Variants in TESMIN observed in about 807,000 individuals in gnomAD.
TESMIN encodes the protein testis expressed metallothionein like protein, also known as CXC domain containing 2.
In TESMIN, 34 loss-of-function variants were observed where a neutral mutation model predicts 47.4. That is an observed-to-expected ratio of 0.72 (90% CI 0.55 to 0.96). The LOEUF is 0.96. Ranked by LOEUF, TESMIN falls within the 40% of genes least tolerant of loss-of-function variation. The probability of loss-of-function intolerance (pLI) is 0.00; values close to 1 mark genes in which losing one functional copy is unlikely to be tolerated. For synonymous variants in TESMIN, 278 were observed against 258.9 expected, an observed-to-expected ratio of 1.07 and a Z score of -0.71; for missense variants, 610 against 637.2, an observed-to-expected ratio of 0.96 and a Z score of 0.46.
intron 6 of TESMIN, among the ~76,000 whole-genome samples, chr11:68,731,381 T>C (rs1419749536): frequency 1.3e-5 from 2 of 152,016 alleles, no homozygotes; most frequent in Admixed American, 6.5e-5. Context: ...TAAGCTACGA[T>C]TGAGCCACTG....
chr11:68,732,332 T>A (rs1016509798), intron 6 of TESMIN, among the ~76,000 whole-genome samples: 7 of 152,376 alleles, frequency 4.6e-5, no homozygotes, highest in African/African-American at 1.4e-4. Context: ...CCTTCCATTC[T>A]GACGTAATTC....
At chr11:68,720,560 C>G (rs1946192727) in intron 6 of TESMIN, among the ~76,000 whole-genome samples, 3 of 152,186 alleles carry the variant, frequency 2.0e-5, no homozygotes, top group Admixed American at 2.0e-4. Flanking sequence ...TCAGAAATCT[C>G]TATCTTCAAT....
chr11:68,751,428 G>A lies in TESMIN; in HGVS notation c.-48C>T. On this transcript the variant is annotated 5_prime_UTR_variant, in exon 1 of 10. Transcript: ENST00000255087. ...TCCTCGGAGGGACGCACCTGGGGCC[G>A]CCGGGGCTGCCGCAGCGTGGAGCGA... 6.6e-6 allele frequency: 1 copy of A among 152,484 alleles called. No homozygotes were observed. Among genetic ancestry groups the A allele is most frequent in the Non-Finnish European group, 1.5e-5 (1 of 68,252 alleles). The allele number at this position is 152,484 out of a possible 1,614,324, so 9.4% of individuals were successfully genotyped here. A position where few individuals can be genotyped will look rare whatever the true frequency, so the allele number is the denominator to read the frequency against.
At chr11:68,722,055 C>T (rs755949717) in intron 6 of TESMIN, among the ~76,000 whole-genome samples, 3 of 152,114 alleles carry the variant, frequency 2.0e-5, no homozygotes, top group Non-Finnish European at 2.9e-5. Context: ...GTAAACAAAA[C>T]GTGATTCATC....
chr11:68,750,291 A>G lies in TESMIN; in HGVS notation c.370T>C (p.Phe124Leu), dbSNP rs778655025. Reference sequence around the variant, plus strand: ...TGCGCGGGTAGCAGCGAGGACAGGAAGTGCACGTTGCAGGCGGGCGGCTGC... The same window carrying G: ...TGCGCGGGTAGCAGCGAGGACAGGAGGTGCACGTTGCAGGCGGGCGGCTGC... The part of the protein sequence containing the change: ...APQPPACNVH[F>L]LSSLLPAHRS... The change falls in exon 2 of 10, where the codon TTC (phenylalanine) becomes CTC (leucine). Residue 124 changes from phenylalanine (F) to leucine (L), a missense_variant. Coordinates refer to ENST00000255087, the MANE Select transcript of TESMIN (RefSeq NM_004923.3). 1 of 1,550,268 alleles carries G rather than the reference A, an allele frequency of 6.5e-7. No individual in the cohort carries two copies. Among genetic ancestry groups the G allele is most frequent in the Non-Finnish European group, 8.7e-7 (1 of 1,154,562 alleles).
chr11:68,748,311 C>T (rs1355556773), intron 2 of TESMIN, among the ~76,000 whole-genome samples: 1 of 152,230 alleles, frequency 6.6e-6, no homozygotes, highest in Non-Finnish European at 1.5e-5. Context: ...AGCAGACTAG[C>T]ATCTAGGTAT....
chr11:68,708,758 CTTT>C (rs33995694), intron 9 of TESMIN, among the ~76,000 whole-genome samples: 1 of 145,912 alleles, frequency 6.9e-6, no homozygotes, highest in Admixed American at 6.8e-5. Flanking sequence ...AAGTGAGACC[CTTT>C]TTTTTTTTTT....
In TESMIN at chr11:68,710,950, G is replaced by A. The variant is rs1230305210; in HGVS notation, c.1258C>T (p.Gln420Ter). The change falls in exon 9 of 10, where the codon CAG (glutamine) becomes TAG (stop). Residue 420 changes from glutamine to a stop codon, truncating the protein, a stop_gained. Transcript: ENST00000255087. LOFTEE classifies it high-confidence loss of function. ...TGGCTGCCTTCCAAACCTCCAGTCT[G>A]CATGTAGTTTGGCATGCTCATTAGT... is the stretch of plus-strand genomic sequence containing the variant. Reference protein sequence around the residue: ...KTLMSMPNYMQTGGLEGSHYL... With the variant: ...KTLMSMPNYM 1.2e-6 allele frequency: 2 copies of A among 1,614,014 alleles called. No individual in the cohort carries two copies. Among genetic ancestry groups the A allele is most frequent in the Admixed American group, 1.7e-5 (1 of 60,000 alleles).
At chr11:68,719,326 G>T (rs1946177958) in intron 6 of TESMIN, among the ~76,000 whole-genome samples, 1 of 152,194 alleles carries the variant, frequency 6.6e-6, no homozygotes, top group South Asian at 2.1e-4. Flanking sequence ...GTTCAGGAAA[G>T]GATAATTCAT....
At chr11:68,749,889 T>C (rs560451062) in intron 2 of TESMIN, among the ~76,000 whole-genome samples, 1 of 152,318 alleles carries the variant, frequency 6.6e-6, no homozygotes, top group Non-Finnish European at 1.5e-5. Context: ...CAAGGGAACC[T>C]ACGTCCTAGC....
chr11:68,718,357 G>A (rs561419837), intron 6 of TESMIN, among the ~76,000 whole-genome samples: 4 of 152,254 alleles, frequency 2.6e-5, no homozygotes, highest in South Asian at 4.1e-4. Flanking sequence ...GTTATTGATC[G>A]ATGAAACAGG....
chr11:68,732,073 G>A (rs557557579), intron 6 of TESMIN, among the ~76,000 whole-genome samples: 260 of 152,316 alleles, frequency 1.7e-3, no homozygotes, highest in African/African-American at 6.0e-3. Flanking sequence ...AATTCGAGGT[G>A]TGTAGACATC....
At chr11:68,743,031 C>A (rs1174119104) in intron 4 of TESMIN, among the ~76,000 whole-genome samples, 1 of 152,094 alleles carries the variant, frequency 6.6e-6, no homozygotes, top group Non-Finnish European at 1.5e-5. Flanking sequence ...GCCTGTGCCA[C>A]CATGCCTGGC....
In TESMIN at chr11:68,731,592, A is replaced by T. The variant is rs146703920; in HGVS notation, c.917+7108T>A. Among the ~76,000 whole-genome samples, 23 of 152,346 alleles carry T rather than the reference A, an allele frequency of 1.5e-4. No individual in the cohort carries two copies. In the East Asian group the frequency reaches 3.7e-3, roughly 24 times the overall value. On this transcript the variant is annotated intron_variant, in intron 6 of 9. Transcript: ENST00000255087. Reference sequence around the variant, plus strand: ...TACATTCCATTGCCTTGCGCTCATGACTTAGTTGCGGGGAATAAAAAGGTA... The same window carrying T: ...TACATTCCATTGCCTTGCGCTCATGTCTTAGTTGCGGGGAATAAAAAGGTA...
Position 68,736,717 on chromosome 11 carries a change from C to G in TESMIN, c.917+1983G>C, listed in dbSNP as rs917405589. On this transcript the variant is annotated intron_variant, in intron 6 of 9. Coordinates refer to ENST00000255087, the MANE Select transcript of TESMIN (RefSeq NM_004923.3). Reference sequence around the variant, plus strand: ...ATTCAAAATAAAGAAAAACATGTGACTGATTGAAAATAATCTAGTATAGAC... The same window carrying G: ...ATTCAAAATAAAGAAAAACATGTGAGTGATTGAAAATAATCTAGTATAGAC... 3 of 978,468 alleles carry G rather than the reference C, an allele frequency of 3.1e-6. No homozygotes were observed. In the African/African-American group the frequency reaches 5.3e-5, roughly 17 times the overall value. 60.6% of individuals were successfully genotyped at this position (978,468 alleles called of 1,614,324 possible). A position where few individuals can be genotyped will look rare whatever the true frequency, so the allele number is the denominator to read the frequency against.
At chr11:68,715,015 T>C (rs1309068354) in intron 7 of TESMIN, among the ~76,000 whole-genome samples, 3 of 152,202 alleles carry the variant, frequency 2.0e-5, no homozygotes, top group African/African-American at 7.2e-5. Context: ...TATATCAAAA[T>C]TGGTTAGATA....
rs1215805707 is a variant in TESMIN at position 68,750,238 on chromosome 11, G to T, written c.423C>A (p.Gly141=). The T allele has an allele frequency of 2.6e-6, 4 of 1,529,936 alleles. No homozygotes were observed. The highest frequency in any genetic ancestry group is 3.5e-6 in the Non-Finnish European group (4 of 1,149,576). The allele number at this position is 1,529,936 out of a possible 1,614,324, so 94.8% of individuals were successfully genotyped here. The change falls in exon 2 of 10, where the codon GGC becomes GGA. Residue 141 remains glycine, a synonymous_variant. Transcript: ENST00000255087. ...AHRSPAVLPL[G]AWVLEGASHP... ...GGGAGGCTCCTTCCAGGACCCAGGC[G>T]CCCAGGGGCAACACCGCCGGGCTGC...
At position 68,750,518 on chromosome 11, in the gene TESMIN, A is replaced by T. The variant is rs1946581096; in HGVS notation, c.143T>A (p.Val48Asp). The T allele has an allele frequency of 6.2e-7, 1 of 1,604,508 alleles. No homozygotes were observed. Among genetic ancestry groups the T allele is most frequent in the African/African-American group, 1.3e-5 (1 of 74,580 alleles). Residue 48 changes from valine to aspartate, a missense_variant, in exon 2 of 10, where the codon GTC becomes GAC. Coordinates refer to ENST00000255087, the MANE Select transcript of TESMIN (RefSeq NM_004923.3). Reference protein sequence around the residue: ...PVKYEEDEFHVFKEAYLGPAD... With the variant: ...PVKYEEDEFHDFKEAYLGPAD... ...CGGGCCCAGGTACGCTTCTTTGAAGACGTGGAACTCGTCCTCCTCGTACTT... is the reference window on the plus strand; with the variant it reads ...CGGGCCCAGGTACGCTTCTTTGAAGTCGTGGAACTCGTCCTCCTCGTACTT...
intron 4 of TESMIN, 101 bp from the exon 5 acceptor site, chr11:68,742,495 C>A: frequency 1.6e-6 from 1 of 644,866 alleles, no homozygotes; most frequent in Admixed American, 3.4e-5. Flanking sequence ...ATGTCCTGTG[C>A]AAAGTTATTT....
Sources: allele counts gnomAD v4.1 joint callset (sites outside exome capture counted in the v4.1 genomes callset), GRCh38; gene constraint gnomAD v4.1.1; transcripts MANE v1.5; gene names NCBI Gene and HGNC (gene_info 2026-07-23, HGNC 2026-07-21).